ROBO1: variants seen among roughly 807,000 people sequenced by gnomAD.
The protein encoded by ROBO1 is roundabout homolog 1.
ROBO1 carries 149 observed loss-of-function variants against 195.9 expected under a neutral mutation model. The observed-to-expected ratio is 0.76, with a 90% CI of 0.67 to 0.87. The LOEUF is 0.87. Among genes scored for constraint, ROBO1 ranks in the 40% least tolerant of loss-of-function variants. ROBO1 has a pLI of 0.00. For missense variants in ROBO1, 1,933 were observed against 2,068.3 expected, an observed-to-expected ratio of 0.93 and a Z score of 1.27; for synonymous variants, 816 against 733.2, an observed-to-expected ratio of 1.11 and a Z score of -1.82.
chr3:78,897,034 G>A (rs2037280735), intron 4 of ROBO1, among the ~76,000 whole-genome samples: 1 of 152,196 alleles, frequency 6.6e-6, no homozygotes, highest in Admixed American at 6.5e-5. Context: ...GAATGTGCAT[G>A]CATGCACACA....
At chr3:79,754,673 C>T (rs1414270424) in intron 1 of ROBO1, among the ~76,000 whole-genome samples, 1 of 152,026 alleles carries the variant, frequency 6.6e-6, no homozygotes, top group African/African-American at 2.4e-5. Flanking sequence ...GTGCCTGGAC[C>T]GCAGAAAAAC....
At chr3:79,278,811 C>A (rs1035966340) in intron 2 of ROBO1, among the ~76,000 whole-genome samples, 3 of 152,056 alleles carry the variant, frequency 2.0e-5, no homozygotes, top group Non-Finnish European at 4.4e-5. Flanking sequence ...CTCAAAAGCA[C>A]AGGCAACTGA....
chr3:78,841,166 A>G (rs1243881520), intron 4 of ROBO1, among the ~76,000 whole-genome samples: 4 of 152,266 alleles, frequency 2.6e-5, no homozygotes, highest in Admixed American at 2.6e-4. Flanking sequence ...CACAGAGTCA[A>G]CTTCAAAATA....
chr3:79,567,376 C>A (rs1943123040), intron 2 of ROBO1, among the ~76,000 whole-genome samples: 1 of 152,028 alleles, frequency 6.6e-6, no homozygotes, highest in Non-Finnish European at 1.5e-5. Context: ...CACATCTATC[C>A]CTGAACTTAA....
chr3:79,095,573 C>T (rs557258150), intron 3 of ROBO1, among the ~76,000 whole-genome samples: 1 of 152,030 alleles, frequency 6.6e-6, no homozygotes, highest in Non-Finnish European at 1.5e-5. Context: ...TCAGGTAAAA[C>T]CCTGGGCTAG....
At chr3:78,988,162 A>G (rs1347577217) in intron 3 of ROBO1, among the ~76,000 whole-genome samples, 2 of 152,082 alleles carry the variant, frequency 1.3e-5, no homozygotes, top group Non-Finnish European at 2.9e-5. Flanking sequence ...TTTTCACTTG[A>G]GTGGACTTTA....
chr3:79,274,855 A>C (rs2030891726), intron 2 of ROBO1, among the ~76,000 whole-genome samples: 1 of 151,982 alleles, frequency 6.6e-6, no homozygotes, highest in Admixed American at 6.6e-5. Context: ...AGTATGAGCA[A>C]CTATATGCCA....
In ROBO1 at chr3:79,563,031, G is replaced by A. The variant is rs1942975573; in HGVS notation, c.88+26793C>T. 2.0e-5 allele frequency among the ~76,000 whole-genome samples: 3 copies of A among 151,980 alleles called. No homozygotes were observed. In the South Asian group the frequency reaches 6.2e-4, roughly 32 times the overall value. ...ATCCAATTTATTTCATCAATATGTG[G>A]TATCTAATATTTCATACACTTTATC... On this transcript the variant is annotated intron_variant, in intron 2 of 30. Transcript: ENST00000464233.
At chr3:79,616,595 T>C (rs977435412) in intron 1 of ROBO1, among the ~76,000 whole-genome samples, 2 of 152,038 alleles carry the variant, frequency 1.3e-5, no homozygotes, top group African/African-American at 4.8e-5. Flanking sequence ...TGTGCTTCCA[T>C]TCAAAATGTG....
At chr3:78,991,365 C>T (rs935673370) in intron 3 of ROBO1, among the ~76,000 whole-genome samples, 3 of 152,100 alleles carry the variant, frequency 2.0e-5, no homozygotes, top group African/African-American at 7.2e-5. Context: ...CTTTGGAAAC[C>T]AAGATCCAAA....
rs540641532 is a variant in ROBO1, at chr3:79,294,768, C to A, written c.89-169229G>T. ...AAATTTACAAGAAAAAAACAAACAA[C>A]CCCTTCAAAAAGTGGGCGAAGGATA... On this transcript the variant is annotated intron_variant, in intron 2 of 30. Coordinates refer to ENST00000464233, the MANE Select transcript of ROBO1 (RefSeq NM_002941.4). Among the ~76,000 whole-genome samples, 6 of 152,192 alleles carry A rather than the reference C, an allele frequency of 3.9e-5. No individual in the cohort carries two copies. In the South Asian group the frequency reaches 1.2e-3, roughly 32 times the overall value.
At chr3:78,863,811 G>A (rs1263183280) in intron 4 of ROBO1, among the ~76,000 whole-genome samples, 1 of 152,172 alleles carries the variant, frequency 6.6e-6, no homozygotes, top group East Asian at 1.9e-4. Flanking sequence ...AAGAGTTAGG[G>A]ATGGGAGAGT....
At chr3:78,875,068 T>C (rs2035759987) in intron 4 of ROBO1, among the ~76,000 whole-genome samples, 1 of 152,108 alleles carries the variant, frequency 6.6e-6, no homozygotes, top group African/African-American at 2.4e-5. Flanking sequence ...CAAACTATCA[T>C]AAATCTACTG....
intron 2 of ROBO1, among the ~76,000 whole-genome samples, chr3:79,154,380 T>G (rs1559698444): frequency 6.6e-6 from 1 of 151,858 alleles, no homozygotes; most frequent in Non-Finnish European, 1.5e-5. Flanking sequence ...AATAGATAAA[T>G]TTTTCTTCAG....
At chr3:79,334,311 A>ATATATATATATAT (rs1553721942) in intron 2 of ROBO1, among the ~76,000 whole-genome samples, 4 of 131,752 alleles carry the variant, frequency 3.0e-5, no homozygotes, top group African/African-American at 1.2e-4. Context: ...AAAAAAAAAA[A>ATATATATATATAT]ATATATATAT....
At chr3:78,970,953 C>T (rs1393494228) in intron 3 of ROBO1, among the ~76,000 whole-genome samples, 5 of 151,276 alleles carry the variant, frequency 3.3e-5, no homozygotes, top group Non-Finnish European at 5.9e-5. Flanking sequence ...GTCACTGTAT[C>T]CTCATATGTG....
intron 2 of ROBO1, among the ~76,000 whole-genome samples, chr3:79,406,623 C>T (rs1392835152): frequency 6.6e-6 from 1 of 151,386 alleles, no homozygotes; most frequent in African/African-American, 2.4e-5. Flanking sequence ...GTAGTGGCTA[C>T]ATAAATGAAT....
chr3:79,560,171 A>G (rs1942857503), intron 2 of ROBO1, among the ~76,000 whole-genome samples: 1 of 151,974 alleles, frequency 6.6e-6, no homozygotes, highest in African/African-American at 2.4e-5. Context: ...TACTTGCCAC[A>G]ACACATATAC....
At chr3:79,044,801 A>G (rs2108345173) in intron 3 of ROBO1, among the ~76,000 whole-genome samples, 1 of 152,248 alleles carries the variant, frequency 6.6e-6, no homozygotes, top group East Asian at 1.9e-4. Context: ...TTAAAAAAAA[A>G]TTAATGGATA....
Sources: allele counts gnomAD v4.1 joint callset (sites outside exome capture counted in the v4.1 genomes callset), GRCh38; gene constraint gnomAD v4.1.1; transcripts MANE v1.5; gene names NCBI Gene and HGNC (gene_info 2026-07-23, HGNC 2026-07-21).